The following ELMOD2 variants were observed in gnomAD, a reference collection of about 807,000 sequenced individuals.
The protein encoded by ELMOD2 is ELMO domain containing 2.
Under a neutral mutation model 41.0 loss-of-function variants are expected in ELMOD2, and 28 were observed. The observed-to-expected ratio is 0.68, with a 90% CI of 0.51 to 0.94. The LOEUF is 0.94. Among genes scored for constraint, ELMOD2 ranks in the 40% least tolerant of loss-of-function variants. The pLI is 0.00. For missense variants in ELMOD2, 333 were observed against 343.1 expected (o/e 0.97, Z 0.23); for synonymous variants, 106 against 107.2 (o/e 0.99, Z 0.07).
At chr4:140,545,746 G>C (rs1735254575) in intron 8 of ELMOD2, among the ~76,000 whole-genome samples, 1 of 151,752 alleles carries the variant, frequency 6.6e-6, no homozygotes. Flanking sequence ...TATATCCCTT[G>C]TTCATTAGCT....
chr4:140,544,062 T>A (rs1279713192), intron 8 of ELMOD2, among the ~76,000 whole-genome samples: 1 of 152,140 alleles, frequency 6.6e-6, no homozygotes, highest in Non-Finnish European at 1.5e-5. Context: ...CCTAAAGCTG[T>A]CTTTACTTTC....
intron 8 of ELMOD2, among the ~76,000 whole-genome samples, chr4:140,544,811 C>T (rs916335342): frequency 6.6e-6 from 1 of 152,154 alleles, no homozygotes; most frequent in African/African-American, 2.4e-5. Flanking sequence ...GTGATGCCTT[C>T]TCGCCTTCCA....
Position 140,527,441 on chromosome 4 carries a change from CTTTTT to C in ELMOD2, c.143-15_143-11del. 2 of 1,310,340 alleles carry C rather than the reference CTTTTT, an allele frequency of 1.5e-6. No individual in the cohort carries two copies. The highest frequency in any genetic ancestry group is 1.6e-5 in the African/African-American group (1 of 62,472). The allele number at this position is 1,310,340 out of a possible 1,614,324, so 81.2% of individuals were successfully genotyped here. On this transcript the variant is annotated intron_variant, in intron 2 of 8. Transcript: ENST00000323570. ...ACAAACAGCATTTAAGTGATAACATCTTTTTTTTTTTTTTGTCATTTCAGAAAATT... is the reference window on the plus strand; with the variant it reads ...ACAAACAGCATTTAAGTGATAACATCTTTTTTTTTGTCATTTCAGAAAATT...
At chr4:140,538,530 A>G (rs983930458) in intron 5 of ELMOD2, among the ~76,000 whole-genome samples, 1 of 152,210 alleles carries the variant, frequency 6.6e-6, no homozygotes, top group African/African-American at 2.4e-5. Flanking sequence ...TAAAGTGTTT[A>G]AAATAGTACC....
intron 4 of ELMOD2, 115 bp from the exon 5 acceptor site, chr4:140,537,297 A>C: frequency 1.1e-6 from 1 of 923,838 alleles, no homozygotes; most frequent in Non-Finnish European, 1.5e-6. Flanking sequence ...GGTGGGTCTT[A>C]TATTAAACTG....
At position 140,550,215 on chromosome 4, in the gene ELMOD2, T is replaced by A. The variant is rs759548290; in HGVS notation, c.737-15T>A. Reference sequence around the variant, plus strand: ...AACATTGAGGATTAAATGTTTTGTTTTTCTTTAACTGCAGGTTATCTTGTC... The same window carrying A: ...AACATTGAGGATTAAATGTTTTGTTATTCTTTAACTGCAGGTTATCTTGTC... On this transcript the variant is annotated splice_polypyrimidine_tract_variant and intron_variant, in intron 8 of 8. Transcript: ENST00000323570. 86 of 1,600,276 alleles carry A rather than the reference T, an allele frequency of 5.4e-5. No individual in the cohort carries two copies. Among genetic ancestry groups the A allele is most frequent in the Middle Eastern group, 1.7e-4 (1 of 6,002 alleles).
At chr4:140,547,601 A>C (rs1466439857) in intron 8 of ELMOD2, among the ~76,000 whole-genome samples, 1 of 152,190 alleles carries the variant, frequency 6.6e-6, no homozygotes, top group Admixed American at 6.6e-5. Context: ...TTGAGGTATA[A>C]TTTATATAAC....
At chr4:140,544,964 T>C (rs1735225365) in intron 8 of ELMOD2, among the ~76,000 whole-genome samples, 2 of 152,088 alleles carry the variant, frequency 1.3e-5, no homozygotes, top group Non-Finnish European at 2.9e-5. Flanking sequence ...GAATCAAAAC[T>C]TCCCCCTAGT....
At chr4:140,540,122 G>T (rs1461754967) in intron 5 of ELMOD2, 46 bp from the exon 6 acceptor site, 1 of 1,595,554 alleles carries the variant, frequency 6.3e-7, no homozygotes, top group Admixed American at 1.7e-5. Context: ...CTAGTTACAA[G>T]CTATGAGAAA....
intron 3 of ELMOD2, among the ~76,000 whole-genome samples, chr4:140,532,819 GAAAT>G (rs1273537248): frequency 6.6e-6 from 1 of 152,138 alleles, no homozygotes; most frequent in Non-Finnish European, 1.5e-5. Flanking sequence ...TGATTGGAAA[GAAAT>G]AAATTATATT....
At chr4:140,546,195 A>G (rs1221693679) in intron 8 of ELMOD2, among the ~76,000 whole-genome samples, 1 of 152,186 alleles carries the variant, frequency 6.6e-6, no homozygotes, top group Non-Finnish European at 1.5e-5. Context: ...AGGGACATGG[A>G]TGAAGCTGGA....
rs1390964918 is a variant in ELMOD2, at chr4:140,543,573, T to C, written c.723T>C (p.Phe241=). The change falls in exon 8 of 9, where the codon TTT becomes TTC. Residue 241 remains phenylalanine, a synonymous_variant. Transcript: ENST00000323570. ...LVPGIPTMEH[F]HQFYCYLVYE... ...CTGGTATACCAACAATGGAACACTT[T>C]CATCAGTTTTACTGTGAGTATTAAA... The C allele has an allele frequency of 1.3e-6, 2 of 1,594,076 alleles. No homozygotes were observed. The highest frequency in any genetic ancestry group is 1.7e-6 in the Non-Finnish European group (2 of 1,174,712).
At chr4:140,548,810 A>G (rs768877965) in intron 8 of ELMOD2, among the ~76,000 whole-genome samples, 1 of 152,222 alleles carries the variant, frequency 6.6e-6, no homozygotes, top group Non-Finnish European at 1.5e-5. Context: ...ACATTTGATT[A>G]CATACAAAGT....
Position 140,549,681 on chromosome 4 carries a change from C to CTTT in ELMOD2, c.737-521_737-519dup, listed in dbSNP as rs10538089. Among the ~76,000 whole-genome samples, 80 of 42,964 alleles carry CTTT rather than the reference C, an allele frequency of 1.9e-3. 3 individuals carry two copies. The highest frequency in any genetic ancestry group is 0.02 in the Middle Eastern group (1 of 50). 28.2% of individuals were successfully genotyped at this position (42,964 alleles called of 152,430 possible). On this transcript the variant is annotated intron_variant, in intron 8 of 8. Coordinates refer to ENST00000323570, the MANE Select transcript of ELMOD2 (RefSeq NM_153702.4). Reference sequence around the variant, plus strand: ...AAGGTATCTTTTGAAAGTACTACATCTTTTTTTTTTTTTTTTTTTTTTTTT... The same window carrying CTTT: ...AAGGTATCTTTTGAAAGTACTACATCTTTTTTTTTTTTTTTTTTTTTTTTTTTT...
At chr4:140,540,064 G>A (rs1735057752) in intron 5 of ELMOD2, 104 bp from the exon 6 acceptor site, 1 of 1,342,368 alleles carries the variant, frequency 7.4e-7, no homozygotes, top group East Asian at 2.5e-5. Context: ...TAAAGTCTTT[G>A]CTTAACCTAT....
chr4:140,541,666 A>G (rs1383858564), intron 6 of ELMOD2, among the ~76,000 whole-genome samples: 1 of 152,096 alleles, frequency 6.6e-6, no homozygotes. Flanking sequence ...AAATATATAT[A>G]TAGAAAAAGT....
Position 140,540,240 on chromosome 4 carries a change from C to G in ELMOD2, c.472C>G (p.Gln158Glu). ...ISKQWAEIGF[Q>E]GDDPKTDFRG... The stretch of plus-strand genomic sequence containing the variant: ...CAAGCAGTGGGCTGAAATTGGTTTT[C>G]AGGGTGATGATCCCAAGACAGACTT... The change falls in exon 6 of 9, where the codon CAG becomes GAG. Residue 158 changes from glutamine to glutamate, a missense_variant. By Grantham distance (29) the Gln-to-Glu change is conservative. Transcript: ENST00000323570. The G allele has an allele frequency of 6.2e-7, 1 of 1,614,120 alleles. No homozygotes were observed. Among genetic ancestry groups the G allele is most frequent in the African/African-American group, 1.3e-5 (1 of 75,036 alleles).
In ELMOD2 at chr4:140,552,891, G is replaced by T. The variant is rs990047012; in HGVS notation, c.*2516G>T. The T allele has an allele frequency of 1.3e-4, 20 of 151,118 alleles. No homozygotes were observed. The highest frequency in any genetic ancestry group is 4.8e-4 in the African/African-American group (20 of 41,336). 9.4% of individuals were successfully genotyped at this position (151,118 alleles called of 1,614,324 possible). A position where few individuals can be genotyped will look rare whatever the true frequency, so the allele number is the denominator to read the frequency against. The stretch of plus-strand genomic sequence containing the variant: ...AAAGACAATCTTTAAAGAAATGGGA[G>T]AAATTGGGGGTATCAGTGAACCTAT... On this transcript the variant is annotated 3_prime_UTR_variant, in exon 9 of 9. Coordinates refer to ENST00000323570, the MANE Select transcript of ELMOD2 (RefSeq NM_153702.4).
chr4:140,525,461 G>C lies in ELMOD2; in HGVS notation c.33G>C (p.Gly11=). The C allele has an allele frequency of 1.9e-6, 3 of 1,613,728 alleles. No individual in the cohort carries two copies. Among genetic ancestry groups the C allele is most frequent in the Non-Finnish European group, 2.5e-6 (3 of 1,179,858 alleles). MFISLWEFFY[G]HFFRFWMKWL... ...TTTCTTTGTGGGAGTTCTTCTATGG[G>C]CACTTTTTTCGATTTTGGATGAAAT... Residue 11 remains glycine (G), a synonymous_variant, in exon 2 of 9, where the codon GGG becomes GGC. Coordinates refer to ENST00000323570, the MANE Select transcript of ELMOD2 (RefSeq NM_153702.4).
Sources: allele counts gnomAD v4.1 joint callset (sites outside exome capture counted in the v4.1 genomes callset), GRCh38; gene constraint gnomAD v4.1.1; transcripts MANE v1.5; gene names NCBI Gene and HGNC (gene_info 2026-07-23, HGNC 2026-07-21).